Variants in PER2 observed in about 807,000 individuals in gnomAD.
PER2 encodes period circadian regulator 2.
PER2 carries 66 observed loss-of-function variants against 121.0 expected under a neutral mutation model. The observed-to-expected ratio is 0.55, with a 90% CI of 0.45 to 0.67. The LOEUF (loss-of-function observed/expected upper bound fraction) is 0.67. Ranked by LOEUF, PER2 falls within the 30% of genes least tolerant of loss-of-function variation. The pLI is 0.00. For synonymous variants in PER2, 684 were observed against 659.9 expected, an observed-to-expected ratio of 1.04 and a Z score of -0.56; for missense variants, 1,521 against 1,635.0, an observed-to-expected ratio of 0.93 and a Z score of 1.20.
Position 238,277,765 on chromosome 2 carries a change from A to C in PER2, c.172T>G (p.Cys58Gly), listed in dbSNP as rs1255274614. 6 of 1,614,146 alleles carry C rather than the reference A, an allele frequency of 3.7e-6. No individual in the cohort carries two copies. The South Asian group carries it at 5.5e-5, about 15-fold the overall frequency. Residue 58 changes from cysteine to glycine, a missense_variant, in exon 2 of 23, where the codon TGT becomes GGT. Transcript: ENST00000254657. Reference protein sequence around the residue: ...STGRDSQGSDCDDSGKELGML... With the variant: ...STGRDSQGSDGDDSGKELGML... The stretch of plus-strand genomic sequence containing the variant: ...CCCAGCTCCTTCCCACTGTCGTCAC[A>C]GTCACTGCCCTGCGAGTCCCGCCCC...
At chr2:238,294,425 T>TA (rs1464875643), upstream of PER2, among the ~76,000 whole-genome samples, 1 of 152,194 alleles carries the variant, frequency 6.6e-6, no homozygotes, top group African/African-American at 2.4e-5. Context: ...TGGGTGACAC[T>TA]AACAAGAATG....
intron 8 of PER2, among the ~76,000 whole-genome samples, chr2:238,266,802 C>T (rs1457584563): frequency 6.6e-6 from 1 of 152,154 alleles, no homozygotes; most frequent in African/African-American, 2.4e-5. Context: ...CTTTGGGAGG[C>T]CGAGACAGGT....
intron 5 of PER2, 128 bp downstream of exon 5, chr2:238,272,942 G>A: frequency 1.2e-6 from 1 of 829,566 alleles, no homozygotes; most frequent in Admixed American, 1.8e-5. Flanking sequence ...TCCTTTTAAA[G>A]GTAGGAACTT....
chr2:238,257,242 G>T (rs1390068427), intron 16 of PER2, among the ~76,000 whole-genome samples, 156 bp from the exon 17 acceptor site: 5 of 152,256 alleles, frequency 3.3e-5, no homozygotes, highest in Non-Finnish European at 7.3e-5. Flanking sequence ...GGCATGGGGT[G>T]ATTTGTCCCC....
chr2:238,263,417 T>C (rs1695996687), intron 9 of PER2, among the ~76,000 whole-genome samples: 2 of 152,252 alleles, frequency 1.3e-5, no homozygotes, highest in Non-Finnish European at 2.9e-5. Flanking sequence ...GCATGGATTT[T>C]TGCTTAACAA....
chr2:238,245,304 T>A lies in PER2; in HGVS notation c.*1071A>T, dbSNP rs1298519819. 2.9e-6 allele frequency: 1 copy of A among 341,484 alleles called. No individual in the cohort carries two copies. The highest frequency in any genetic ancestry group is 5.3e-6 in the Non-Finnish European group (1 of 189,996). The allele number at this position is 341,484 out of a possible 1,614,324, so 21.2% of individuals were successfully genotyped here. On this transcript the variant is annotated 3_prime_UTR_variant, in exon 23 of 23. Transcript: ENST00000254657. ...GACACTGGCAGAGGCCTGAAGCTGC[T>A]CCGAGAGAGGTCGGGCTCATGAAAA...
At chr2:238,256,241 A>C (rs1243924155) in intron 17 of PER2, among the ~76,000 whole-genome samples, 1 of 152,178 alleles carries the variant, frequency 6.6e-6, no homozygotes, top group Non-Finnish European at 1.5e-5. Context: ...AACTTGGATC[A>C]ACGTGCTGAG....
At chr2:238,261,331 G>A (rs1028530854) in intron 12 of PER2, 8 of 391,758 alleles carry the variant, frequency 2.0e-5, no homozygotes, top group Admixed American at 1.5e-4. Flanking sequence ...GTGTGGGGTT[G>A]ACTGCAGTGG....
At chr2:238,261,878 G>A (rs1695945213) in intron 11 of PER2, 41 bp from the exon 12 acceptor site, 1 of 1,389,702 alleles carries the variant, frequency 7.2e-7, no homozygotes, top group Non-Finnish European at 1.0e-6. Context: ...GGGCCCCACA[G>A]GAGGACCTCT....
intron 8 of PER2, among the ~76,000 whole-genome samples, chr2:238,266,093 T>C (rs12474237): frequency 0.13 from 19,760 of 151,606 alleles, 1,363 homozygotes; most frequent in South Asian, 0.22. Flanking sequence ...TTAGTTGAGG[T>C]GGGGTTTCAC....
At chr2:238,256,486 C>T (rs556976786) in intron 17 of PER2, among the ~76,000 whole-genome samples, 1 of 152,346 alleles carries the variant, frequency 6.6e-6, no homozygotes, top group South Asian at 2.1e-4. Context: ...CCAATGCGCT[C>T]ATTGTAAATC....
intron 9 of PER2, among the ~76,000 whole-genome samples, chr2:238,263,605 C>T (rs561591278): frequency 6.6e-6 from 1 of 152,162 alleles, no homozygotes; most frequent in African/African-American, 2.4e-5. Context: ...TGCTCCATTG[C>T]AGGACGGAGC....
chr2:238,263,745 G>A (rs915068537), intron 9 of PER2, among the ~76,000 whole-genome samples: 1 of 152,102 alleles, frequency 6.6e-6, no homozygotes, highest in Non-Finnish European at 1.5e-5. Flanking sequence ...AAACTCTGCT[G>A]CTTGTGTAGA....
the PER2 span, chr2:238,298,475 G>A: frequency 6.6e-6 from 1 of 152,234 alleles, no homozygotes. Context: ...CTGTTTCAGA[G>A]TCACAGGGTC....
chr2:238,288,569 G>C lies in PER2; in HGVS notation c.-240C>G, dbSNP rs985822467. 3.3e-5 allele frequency: 5 copies of C among 151,522 alleles called. No individual in the cohort carries two copies. The highest frequency in any genetic ancestry group is 1.2e-4 in the African/African-American group (5 of 41,342). 9.4% of individuals were successfully genotyped at this position (151,522 alleles called of 1,614,324 possible). On this transcript the variant is annotated 5_prime_UTR_variant, in exon 1 of 23. Coordinates refer to ENST00000254657, the MANE Select transcript of PER2 (RefSeq NM_022817.3). ...CCTCCGCTGCCCGAGCCGGCGCTGGGACCCCGACCTGCCCGAGGCCCGCGC... is the reference window on the plus strand; with the variant it reads ...CCTCCGCTGCCCGAGCCGGCGCTGGCACCCCGACCTGCCCGAGGCCCGCGC...
At chr2:238,260,190 G>C in intron 13 of PER2, 137 bp from the exon 14 acceptor site, 1 of 621,830 alleles carries the variant, frequency 1.6e-6, no homozygotes, top group South Asian at 1.9e-5. Context: ...TCTGACAGGT[G>C]TAGAGCTAGA....
At chr2:238,248,848 G>T (rs988678114) in intron 22 of PER2, 32 of 568,316 alleles carry the variant, frequency 5.6e-5, no homozygotes, top group South Asian at 4.8e-4. Flanking sequence ...GTAGAGACGG[G>T]GTTTCACCGT....
In PER2 at chr2:238,253,169, G is replaced by T; in HGVS notation, c.2854C>A (p.Arg952=). The T allele has an allele frequency of 6.3e-7, 1 of 1,595,276 alleles. No individual in the cohort carries two copies. The highest frequency in any genetic ancestry group is 1.1e-5 in the South Asian group (1 of 88,896). Residue 952 remains arginine, a synonymous_variant, in exon 19 of 23, where the codon CGG becomes AGG. Coordinates refer to ENST00000254657, the MANE Select transcript of PER2 (RefSeq NM_022817.3). The surrounding 1 kb of genome is among the most constrained non-coding windows in gnomAD (Gnocchi z 5.6). ...ASASQPEFPS[R]TSIPRQPCAC... ...CATGGCTGTCTGGGGATCGAGGTCC[G>T]GCTGGGGAACTCAGGCTGTGAGGCA...
upstream of PER2, among the ~76,000 whole-genome samples, chr2:238,294,210 A>C (rs547562022): frequency 1.1e-3 from 162 of 152,338 alleles, no homozygotes; most frequent in African/African-American, 3.3e-3. Context: ...AGGCCCCTGC[A>C]GCAGGCTCCC....
Sources: allele counts gnomAD v4.1 joint callset (sites outside exome capture counted in the v4.1 genomes callset), GRCh38; gene constraint gnomAD v4.1.1; non-coding constraint Gnocchi (gnomAD v3.1); transcripts MANE v1.5; gene names NCBI Gene and HGNC (gene_info 2026-07-23, HGNC 2026-07-21).